Variants in RELN observed in about 807,000 individuals in gnomAD.
RELN encodes reelin.
A neutral mutation model predicts 427.6 loss-of-function variants in RELN; 108 were observed. The ratio of observed to expected loss-of-function variants is 0.25; its 90% CI spans 0.22 to 0.30. The LOEUF (loss-of-function observed/expected upper bound fraction) is 0.30. RELN is among the 10% of genes least tolerant of loss of function. The pLI is 1.00. For missense variants in RELN, 3,715 were observed against 4,302.8 expected, an observed-to-expected ratio of 0.86 and a Z score of 3.82; for synonymous variants, 1,524 against 1,513.4, an observed-to-expected ratio of 1.01 and a Z score of -0.16.
chr7:103,485,797 C>T (rs947463688), intron 61 of RELN, among the ~76,000 whole-genome samples: 5 of 152,196 alleles, frequency 3.3e-5, no homozygotes, highest in South Asian at 2.1e-4. Context: ...ATTGTACTTA[C>T]ATAAGCTAAA....
chr7:103,472,970 C>A (rs1562834324), intron 64 of RELN, 62 bp from the exon 65 acceptor site: 1 of 1,280,266 alleles, frequency 7.8e-7, no homozygotes, highest in South Asian at 1.2e-5. Context: ...TAAGTCCCAT[C>A]ATTGAACGTG....
chr7:103,698,030 C>G lies in RELN; in HGVS notation c.966G>C (p.Glu322Asp), dbSNP rs1214570292. 6.2e-7 allele frequency: 1 copy of G among 1,613,846 alleles called. No individual in the cohort carries two copies. Among genetic ancestry groups the G allele is most frequent in the South Asian group, 1.1e-5 (1 of 91,082 alleles). Residue 322 changes from glutamate (E) to aspartate (D), a missense_variant, in exon 10 of 65, where the codon GAG becomes GAC. Physicochemically the swap from Glu to Asp is conservative, Grantham distance 45. Around this residue, in one of 4 missense-constraint regions of RELN, gnomAD observed 2,208 missense variants for 2,361.7 expected, o/e 0.93. Transcript: ENST00000428762. ...CCTGCTTCCACTGAAATTGGACATT[C>G]TCCCCTTTGGCGTCCTCAGGAAGGT... ...ILYLPEDAKG[E>D]NVQFQWKQEN...
chr7:103,974,441 C>T (rs1370406873), intron 1 of RELN, among the ~76,000 whole-genome samples: 2 of 151,194 alleles, frequency 1.3e-5, no homozygotes, highest in Admixed American at 6.6e-5. Flanking sequence ...TTCAAAGGCT[C>T]ATAAATTAAA....
At chr7:103,491,908 G>A (rs17151558) in intron 58 of RELN, 45 bp downstream of exon 58, 3 of 1,113,082 alleles carry the variant, frequency 2.7e-6, no homozygotes. Context: ...CGATTTGGAT[G>A]GGGTATTCAA....
rs79355096 is a variant in RELN, at chr7:103,904,834, G to A, written c.337+12241C>T. Among the ~76,000 whole-genome samples, 1,037 of 152,020 alleles carry A rather than the reference G, an allele frequency of 6.8e-3. 13 individuals are homozygous for A. The highest frequency in any genetic ancestry group is 0.053 in the East Asian group (274 of 5,172). ...ACATAATATTAAAATATATTCCCAA[G>A]AAACTGTAGACTTATCATTTCTGGA... On this transcript the variant is annotated intron_variant, in intron 2 of 64. Coordinates refer to ENST00000428762, the MANE Select transcript of RELN (RefSeq NM_005045.4).
chr7:103,797,899 C>G (rs1251073847), intron 3 of RELN, among the ~76,000 whole-genome samples: 1 of 152,154 alleles, frequency 6.6e-6, no homozygotes, highest in Non-Finnish European at 1.5e-5. Context: ...AATTAGCTTC[C>G]TCAATCACTA....
Position 103,719,341 on chromosome 7 carries a change from T to C in RELN, c.805+3799A>G, listed in dbSNP as rs368131738. Among the ~76,000 whole-genome samples the C allele has an allele frequency of 1.1e-4, 16 of 152,244 alleles. No individual in the cohort carries two copies. In the East Asian group the frequency reaches 2.3e-3, roughly 22 times the overall value. On this transcript the variant is annotated intron_variant, in intron 8 of 64. Transcript: ENST00000428762. ...TGTCCTTTCAAGTGACTTGGGTTGT[T>C]GGCAGGGATTCTCCTTCCTAAGAAG...
chr7:103,498,247 G>A lies in RELN; in HGVS notation c.8673C>T (p.Phe2891=), dbSNP rs200157006. Residue 2891 remains phenylalanine, a synonymous_variant, in exon 54 of 65, where the codon TTC becomes TTT. Coordinates refer to ENST00000428762, the MANE Select transcript of RELN (RefSeq NM_005045.4). ...NCYLTHTLKT[F]LKERFDSEEI... ...CTTCACTGTCAAAGCGTTCCTTCAG[G>A]AAAGTCTGGAAATAAAATAAGCCAG... 1.6e-4 allele frequency: 256 copies of A among 1,613,480 alleles called. 3 individuals are homozygous for A. The East Asian group carries it at 5.6e-3, about 35-fold the overall frequency.
intron 2 of RELN, among the ~76,000 whole-genome samples, chr7:103,909,708 AT>A (rs1563084777): frequency 7.9e-5 from 4 of 50,756 alleles, no homozygotes; most frequent in African/African-American, 3.5e-4. Flanking sequence ...TTTAATATAT[AT>A]AAATATATAT....
chr7:103,565,586 G>A, intron 33 of RELN, 35 bp from the exon 34 acceptor site: 1 of 1,599,672 alleles, frequency 6.3e-7, no homozygotes. Context: ...TAGCATATAT[G>A]TGTGCCATTT....
intron 8 of RELN, among the ~76,000 whole-genome samples, chr7:103,703,397 G>A (rs1834134473): frequency 6.6e-6 from 1 of 152,178 alleles, no homozygotes; most frequent in South Asian, 2.1e-4. Flanking sequence ...TGCCCAGATG[G>A]AAATGGCTCC....
At chr7:103,716,605 A>G (rs941029896) in intron 8 of RELN, among the ~76,000 whole-genome samples, 4 of 152,192 alleles carry the variant, frequency 2.6e-5, no homozygotes, top group African/African-American at 9.7e-5. Flanking sequence ...TTCAGCACCA[A>G]TGTGGAACAG....
At chr7:103,703,691 T>C (rs2299369) in intron 8 of RELN, among the ~76,000 whole-genome samples, 35,000 of 152,128 alleles carry the variant, frequency 0.23, 5,219 homozygotes, top group African/African-American at 0.42. Flanking sequence ...ATCATCTTAC[T>C]TGCCTGTTCG....
intron 64 of RELN, among the ~76,000 whole-genome samples, chr7:103,474,915 G>A (rs1177553514): frequency 6.6e-6 from 1 of 151,834 alleles, no homozygotes; most frequent in African/African-American, 2.4e-5. Context: ...CATACATGCA[G>A]TTGATTTTGC....
intron 2 of RELN, among the ~76,000 whole-genome samples, chr7:103,906,290 A>T (rs1382838412): frequency 6.6e-6 from 1 of 152,080 alleles, no homozygotes; most frequent in Non-Finnish European, 1.5e-5. Context: ...AGCAAGCATA[A>T]CCTCCCGCAA....
At chr7:103,737,775 T>C (rs144670455) in intron 6 of RELN, among the ~76,000 whole-genome samples, 13 of 152,324 alleles carry the variant, frequency 8.5e-5, no homozygotes, top group African/African-American at 2.6e-4. Flanking sequence ...TCCTGTAATA[T>C]TGTCATTTAC....
At chr7:103,736,271 C>T (rs758195692) in intron 6 of RELN, among the ~76,000 whole-genome samples, 87 of 152,270 alleles carry the variant, frequency 5.7e-4, no homozygotes, top group Non-Finnish European at 1.1e-3. Flanking sequence ...ATAAAGAGGG[C>T]ATGACCATTA....
chr7:103,752,245 T>C lies in RELN; in HGVS notation c.577+937A>G, dbSNP rs1301324589. On this transcript the variant is annotated intron_variant, in intron 5 of 64. Coordinates refer to ENST00000428762, the MANE Select transcript of RELN (RefSeq NM_005045.4). ...GTTAAGTAACTTGCTCAATATTGTG[T>C]GGCTAGCAAGTGGTAAAAGTGAGAT... is the stretch of plus-strand genomic sequence containing the variant. 3.3e-5 allele frequency among the ~76,000 whole-genome samples: 5 copies of C among 152,226 alleles called. No individual in the cohort carries two copies. The East Asian group carries it at 9.6e-4, about 29-fold the overall frequency.
intron 58 of RELN, among the ~76,000 whole-genome samples, chr7:103,491,137 G>A (rs1828636722): frequency 1.3e-5 from 2 of 152,186 alleles, no homozygotes; most frequent in South Asian, 4.1e-4. Context: ...AAAATTGTCT[G>A]TCTTCTCAAA....
Sources: allele counts gnomAD v4.1 joint callset (sites outside exome capture counted in the v4.1 genomes callset), GRCh38; gene constraint gnomAD v4.1.1; regional missense constraint gnomAD v4.1.1; transcripts MANE v1.5; gene names NCBI Gene and HGNC (gene_info 2026-07-23, HGNC 2026-07-21).